SRSF4: variants seen among roughly 807,000 people sequenced by gnomAD.
SRSF4 encodes the protein serine and arginine rich splicing factor 4, also known as serine/arginine-rich splicing factor 4.
A neutral mutation model predicts 48.8 loss-of-function variants in SRSF4; 12 were observed. The observed-to-expected ratio is 0.25, with a 90% CI of 0.16 to 0.40. SRSF4 has a LOEUF of 0.40. SRSF4 is among the 10% of genes least tolerant of loss of function. The pLI is 1.00. For synonymous variants in SRSF4, 248 were observed against 232.5 expected (o/e 1.07, Z -0.61); for missense variants, 466 against 667.1 (o/e 0.70, Z 3.32).
chr1:29,155,043 T>A, intron 3 of SRSF4, 133 bp from the exon 4 acceptor site: 1 of 810,948 alleles, frequency 1.2e-6, no homozygotes, highest in East Asian at 2.7e-5. Context: ...AATATTTTCA[T>A]CTACCCATCA....
chr1:29,180,761 AAC>A (rs1315732640), intron 1 of SRSF4, among the ~76,000 whole-genome samples: 1 of 152,184 alleles, frequency 6.6e-6, no homozygotes, highest in Non-Finnish European at 1.5e-5. Context: ...CTGATTCCTC[AAC>A]AGTTTTCCCT....
chr1:29,150,000 C>T, intron 5 of SRSF4, 103 bp downstream of exon 5: 1 of 962,994 alleles, frequency 1.0e-6, no homozygotes, highest in Non-Finnish European at 1.6e-6. Flanking sequence ...TGGACTCCAG[C>T]TTGGGTGACA....
At position 29,149,192 on chromosome 1, in the gene SRSF4, G is replaced by A. The variant is rs750608937; in HGVS notation, c.703C>T (p.Arg235Trp). The A allele has an allele frequency of 1.3e-5, 21 of 1,609,754 alleles. No individual in the cohort carries two copies. The Admixed American group carries it at 1.5e-4, about 12-fold the overall frequency. The part of the protein sequence containing the change: ...GSRSRSKSRS[R>W]SQSRSRSKKE... ...TTGCTCCGGCTCCGACTCTGGCTCC[G>A]GCTCCGGCTCTTGCTCCGGGAGCGG... The change falls in exon 6 of 6, where the codon CGG (arginine) becomes TGG (tryptophan). Residue 235 changes from arginine to tryptophan, a missense_variant. Arg to Trp is a moderately radical substitution (Grantham distance 101, BLOSUM62 -3). Coordinates refer to ENST00000373795, the MANE Select transcript of SRSF4 (RefSeq NM_005626.5).
chr1:29,161,013 C>T (rs964831937), intron 1 of SRSF4, among the ~76,000 whole-genome samples: 1 of 152,124 alleles, frequency 6.6e-6, no homozygotes. Flanking sequence ...TACGTAAACA[C>T]ATCTGTCACA....
chr1:29,179,401 C>T (rs1319898560), intron 1 of SRSF4, among the ~76,000 whole-genome samples: 1 of 152,074 alleles, frequency 6.6e-6, no homozygotes, highest in Non-Finnish European at 1.5e-5. Flanking sequence ...TTGCTGTTAC[C>T]CAGACTGGAG....
chr1:29,155,893 GT>G (rs1452647634), intron 3 of SRSF4, among the ~76,000 whole-genome samples: 1 of 152,032 alleles, frequency 6.6e-6, no homozygotes, highest in African/African-American at 2.4e-5. Context: ...ACTTCCTATG[GT>G]TCAATGAGAG....
chr1:29,159,170 A>T (rs1354824861), intron 3 of SRSF4, among the ~76,000 whole-genome samples: 1 of 152,114 alleles, frequency 6.6e-6, no homozygotes, highest in Non-Finnish European at 1.5e-5. Flanking sequence ...ATGTGTCCTT[A>T]GAATGATGGT....
chr1:29,168,983 T>C (rs1672706942), intron 1 of SRSF4: 1 of 152,206 alleles, frequency 6.6e-6, no homozygotes, highest in Admixed American at 6.5e-5. Flanking sequence ...ACCATGCAGA[T>C]GATAAACATC....
chr1:29,148,820 T>C lies in SRSF4; in HGVS notation c.1075A>G (p.Arg359Gly). ...CGACTGCGGCTCTCCTCTCTGCTTC[T>C]CTTCCTGCCCTTCCTCTTGTCCTTG... ...KSKDKRKGRKRSREESRSRSR... is the reference protein window; with the variant it reads ...KSKDKRKGRKGSREESRSRSR... Residue 359 changes from arginine to glycine, a missense_variant, in exon 6 of 6, where the codon AGA (arginine) becomes GGA (glycine). Transcript: ENST00000373795. 5 of 1,608,838 alleles carry C rather than the reference T, an allele frequency of 3.1e-6. No individual in the cohort carries two copies. Among genetic ancestry groups the C allele is most frequent in the Non-Finnish European group, 4.2e-6 (5 of 1,176,672 alleles).
intron 1 of SRSF4, chr1:29,173,522 A>G (rs1672784438): frequency 8.1e-6 from 1 of 122,960 alleles, no homozygotes; most frequent in South Asian, 2.6e-4. Flanking sequence ...GCTGGAGTGC[A>G]ATGGTGCAAT....
intron 1 of SRSF4, among the ~76,000 whole-genome samples, chr1:29,161,800 T>C (rs1480965034): frequency 6.6e-6 from 1 of 152,236 alleles, no homozygotes; most frequent in East Asian, 1.9e-4. Flanking sequence ...GGTTTTGCCA[T>C]GTTGGCCAAG....
In SRSF4 at chr1:29,154,716, G is replaced by A; in HGVS notation, c.558C>T (p.Ser186=). Residue 186 remains serine (S), a synonymous_variant, in exon 4 of 6, where the codon TCC becomes TCT. Coordinates refer to ENST00000373795, the MANE Select transcript of SRSF4 (RefSeq NM_005626.5). ...AGTACCTTGAATGACTCCGGCTTCT[G>A]GAGTAGGACCGGCGTCGTCTGGAAC... is the stretch of plus-strand genomic sequence containing the variant. ...KPGSRRRRSY[S]RSRSHSRSRS... 1 of 1,614,214 alleles carries A rather than the reference G, an allele frequency of 6.2e-7. No homozygotes were observed. Among genetic ancestry groups the A allele is most frequent in the South Asian group, 1.1e-5 (1 of 91,088 alleles).
chr1:29,161,868 T>C (rs777066217), intron 1 of SRSF4, among the ~76,000 whole-genome samples: 3 of 152,246 alleles, frequency 2.0e-5, no homozygotes, highest in Non-Finnish European at 2.9e-5. Flanking sequence ...GCTAGGATTA[T>C]AGGCGTGAGC....
rs552839044 is a variant in SRSF4 at position 29,175,683 on chromosome 1, A to C, written c.107+5963T>G. 9.6e-4 allele frequency among the ~76,000 whole-genome samples: 105 copies of C among 109,040 alleles called. 1 individual carries two copies. The highest frequency in any genetic ancestry group is 4.8e-3 in the Middle Eastern group (1 of 210). 71.5% of individuals were successfully genotyped at this position (109,040 alleles called of 152,430 possible). On this transcript the variant is annotated intron_variant, in intron 1 of 5. Coordinates refer to ENST00000373795, the MANE Select transcript of SRSF4 (RefSeq NM_005626.5). ...GCACTCCAGCCTGGGCGACAGAGCC[A>C]GACGCTGTCTCAAAAAAAAAAAAAA...
At chr1:29,162,971 C>CCTTTGAGT (rs1292847610) in intron 1 of SRSF4, among the ~76,000 whole-genome samples, 1 of 152,124 alleles carries the variant, frequency 6.6e-6, no homozygotes, top group East Asian at 1.9e-4. Context: ...CAAAGATCAC[C>CCTTTGAGT]CTGTTCCAAG....
At chr1:29,157,364 T>C (rs1033957513) in intron 3 of SRSF4, among the ~76,000 whole-genome samples, 1 of 152,184 alleles carries the variant, frequency 6.6e-6, no homozygotes, top group Non-Finnish European at 1.5e-5. Context: ...GTTAATTTAA[T>C]ATTACATTTA....
chr1:29,174,684 T>G (rs1026638313), intron 1 of SRSF4, among the ~76,000 whole-genome samples: 2 of 150,124 alleles, frequency 1.3e-5, no homozygotes, highest in African/African-American at 4.9e-5. Context: ...GGTTTTTTTT[T>G]TTTTTTTTTT....
chr1:29,167,445 C>T (rs181627387), intron 1 of SRSF4, among the ~76,000 whole-genome samples: 75 of 152,340 alleles, frequency 4.9e-4, no homozygotes, highest in Admixed American at 1.1e-3. Context: ...AGTGCAAAGG[C>T]ACAATCTTGG....
intron 4 of SRSF4, among the ~76,000 whole-genome samples, chr1:29,153,412 T>G (rs1672446568): frequency 6.6e-6 from 1 of 151,942 alleles, no homozygotes; most frequent in Admixed American, 6.6e-5. Flanking sequence ...CCTCCCAAAG[T>G]GCTGGGATTA....
Sources: gnomAD v4.1 joint callset for allele counts (sites outside exome capture counted in the v4.1 genomes callset) on GRCh38, gnomAD v4.1.1 for gene constraint, MANE v1.5 for transcripts, NCBI Gene and HGNC (gene_info 2026-07-23, HGNC 2026-07-21) for gene names.